Variants in FOXN3 observed in about 807,000 individuals in gnomAD.
FOXN3 encodes the protein forkhead box N3.
Under a neutral mutation model 38.4 loss-of-function variants are expected in FOXN3, and 7 were observed. The observed-to-expected ratio is 0.18, with a 90% CI of 0.10 to 0.34. The LOEUF (loss-of-function observed/expected upper bound fraction) is 0.34. FOXN3 is among the 10% of genes least tolerant of loss of function. FOXN3 has a pLI of 1.00. For missense variants in FOXN3, 456 were observed against 613.4 expected (o/e 0.74, Z 2.71); for synonymous variants, 230 against 242.2 (o/e 0.95, Z 0.47).
upstream of FOXN3, among the ~76,000 whole-genome samples, chr14:89,418,329 A>G (rs1361696765): frequency 6.6e-6 from 1 of 151,726 alleles, no homozygotes; most frequent in Non-Finnish European, 1.5e-5. Flanking sequence ...TCTAGCATGC[A>G]GTACTTTTAA....
At chr14:89,306,646 C>T (rs1330196551) in intron 3 of FOXN3, among the ~76,000 whole-genome samples, 3 of 152,134 alleles carry the variant, frequency 2.0e-5, no homozygotes, top group East Asian at 1.9e-4. Flanking sequence ...GGATTACAGG[C>T]GTGAGCCACC....
chr14:89,237,928 T>G (rs915020082), intron 4 of FOXN3, among the ~76,000 whole-genome samples: 2 of 152,232 alleles, frequency 1.3e-5, no homozygotes, highest in African/African-American at 4.8e-5. Flanking sequence ...CAGAGATGTC[T>G]TAGTTCACAC....
chr14:89,240,663 T>C (rs1885113752), intron 4 of FOXN3, among the ~76,000 whole-genome samples: 1 of 152,228 alleles, frequency 6.6e-6, no homozygotes, highest in African/African-American at 2.4e-5. Flanking sequence ...AGCTGTCAAA[T>C]GATACAGAGG....
chr14:89,481,227 C>T (rs186740782), intron 1 of FOXN3, among the ~76,000 whole-genome samples: 1 of 152,220 alleles, frequency 6.6e-6, no homozygotes, highest in Admixed American at 6.5e-5. Context: ...AGTTTTACTC[C>T]ACCCTAGATT....
At chr14:89,363,970 A>AT (rs1284072724) in intron 2 of FOXN3, among the ~76,000 whole-genome samples, 1 of 53,130 alleles carries the variant, frequency 1.9e-5, no homozygotes, top group African/African-American at 7.2e-5. Context: ...ATATATATAT[A>AT]TATATATATA....
intron 1 of FOXN3, among the ~76,000 whole-genome samples, chr14:89,557,176 T>G (rs1895145327): frequency 6.6e-6 from 1 of 152,202 alleles, no homozygotes; most frequent in Non-Finnish European, 1.5e-5. Flanking sequence ...CAGTTTTTCA[T>G]AAACCTGAAC....
chr14:89,353,039 C>G (rs1003100027), intron 2 of FOXN3, among the ~76,000 whole-genome samples: 1 of 152,132 alleles, frequency 6.6e-6, no homozygotes, highest in Non-Finnish European at 1.5e-5. Context: ...GCAGAATAAA[C>G]CCCCAGGACT....
chr14:89,495,491 T>G (rs1260453604), intron 1 of FOXN3, among the ~76,000 whole-genome samples: 1 of 152,186 alleles, frequency 6.6e-6, no homozygotes. Context: ...ATTCATCACT[T>G]TTTAAAAGCA....
chr14:89,184,922 CTTTTTGT>C (rs1245409095), intron 4 of FOXN3, among the ~76,000 whole-genome samples: 1 of 152,200 alleles, frequency 6.6e-6, no homozygotes, highest in Non-Finnish European at 1.5e-5. Flanking sequence ...GCCCATTATG[CTTTTTGT>C]AGTTATTCCT....
rs1232447209 is a variant in FOXN3, at chr14:89,555,876, TATGTGG to T, written c.-15+63146_-15+63151del. ...GTGTGTGTGTGTGTGTGTGTGTGTG[TATGTGG>T]GGGTGTATGTGGGGGTGTGTGTGTT... is the stretch of plus-strand genomic sequence containing the variant. On this transcript the variant is annotated intron_variant, in intron 1 of 6. Coordinates refer to the FOXN3 transcript ENST00000345097. Among the ~76,000 whole-genome samples the T allele has an allele frequency of 5.3e-4, 58 of 108,508 alleles. 10 individuals carry two copies. The highest frequency in any genetic ancestry group is 1.4e-3 in the South Asian group (4 of 2,822). 71.2% of individuals were successfully genotyped at this position (108,508 alleles called of 152,430 possible).
At chr14:89,239,273 G>A (rs947829270) in intron 4 of FOXN3, among the ~76,000 whole-genome samples, 61 of 152,140 alleles carry the variant, frequency 4.0e-4, no homozygotes, top group African/African-American at 1.2e-3. Context: ...CTCTTCTTTG[G>A]AAGTCTTATT....
intron 1 of FOXN3, among the ~76,000 whole-genome samples, chr14:89,475,319 G>A (rs1440520559): frequency 6.6e-6 from 1 of 152,120 alleles, no homozygotes; most frequent in South Asian, 2.1e-4. Context: ...CAAATGCTGT[G>A]GTAATAATAG....
At chr14:89,550,224 T>C (rs973829687) in intron 1 of FOXN3, among the ~76,000 whole-genome samples, 1 of 152,154 alleles carries the variant, frequency 6.6e-6, no homozygotes, top group Non-Finnish European at 1.5e-5. Flanking sequence ...CCGCCACCCA[T>C]CTCTGGGGTA....
At chr14:89,447,252 G>C (rs1376199569) in intron 1 of FOXN3, among the ~76,000 whole-genome samples, 2 of 152,010 alleles carry the variant, frequency 1.3e-5, no homozygotes. Flanking sequence ...GGGTCCAAGG[G>C]TATTCCCGTT....
chr14:89,214,770 C>G (rs572350404), intron 4 of FOXN3, among the ~76,000 whole-genome samples: 1 of 152,180 alleles, frequency 6.6e-6, no homozygotes, highest in Non-Finnish European at 1.5e-5. Context: ...GTGGGGACCA[C>G]GTAATGTGAA....
chr14:89,368,305 G>A (rs1209371204), intron 2 of FOXN3, among the ~76,000 whole-genome samples: 1 of 145,140 alleles, frequency 6.9e-6, no homozygotes, highest in Non-Finnish European at 1.5e-5. Context: ...ACTCCAGCCT[G>A]GATAAAAAGA....
At chr14:89,165,602 C>A (rs1887220850) in intron 5 of FOXN3, among the ~76,000 whole-genome samples, 1 of 152,218 alleles carries the variant, frequency 6.6e-6, no homozygotes, top group Non-Finnish European at 1.5e-5. Flanking sequence ...TTTCTGCAGA[C>A]TTCCTATTTC....
At chr14:89,555,981 C>A (rs1214738236) in intron 1 of FOXN3, among the ~76,000 whole-genome samples, 1 of 151,746 alleles carries the variant, frequency 6.6e-6, no homozygotes, top group African/African-American at 2.4e-5. Context: ...AGAAAATATT[C>A]TCTTTTTCTC....
At chr14:89,488,511 G>A (rs1303918146) in intron 1 of FOXN3, among the ~76,000 whole-genome samples, 1 of 151,884 alleles carries the variant, frequency 6.6e-6, no homozygotes, top group Non-Finnish European at 1.5e-5. Context: ...CAAAAAAATA[G>A]GTGTGGTGGT....
Sources: gnomAD v4.1 joint callset for allele counts (sites outside exome capture counted in the v4.1 genomes callset) on GRCh38, gnomAD v4.1.1 for gene constraint, MANE v1.5 for transcripts, NCBI Gene and HGNC (gene_info 2026-07-23, HGNC 2026-07-21) for gene names.